The following FOXP1 variants were observed in gnomAD, a reference collection of about 807,000 sequenced individuals.
FOXP1 encodes forkhead box P1.
A neutral mutation model predicts 98.2 loss-of-function variants in FOXP1; 15 were observed. That is an observed-to-expected ratio of 0.15 (90% CI 0.10 to 0.24). The LOEUF is 0.24. Ranked by LOEUF, FOXP1 falls within the 10% of genes least tolerant of loss-of-function variation. The probability of loss-of-function intolerance (pLI) is 1.00; values close to 1 mark genes in which losing one functional copy is unlikely to be tolerated. For synonymous variants in FOXP1, 371 were observed against 314.5 expected (o/e 1.18, Z -1.90); for missense variants, 633 against 848.5 (o/e 0.75, Z 3.15).
intron 2 of FOXP1, among the ~76,000 whole-genome samples, chr3:71,556,580 A>C (rs1186617238): frequency 6.8e-6 from 1 of 147,770 alleles, no homozygotes; most frequent in African/African-American, 2.6e-5. Flanking sequence ...CCGTCTCAAA[A>C]AAAAAAAAAA....
chr3:71,538,983 A>C (rs974805110), intron 2 of FOXP1, among the ~76,000 whole-genome samples: 1 of 152,006 alleles, frequency 6.6e-6, no homozygotes, highest in African/African-American at 2.4e-5. Context: ...GCTGACCATA[A>C]ATGTAAGGGT....
intron 5 of FOXP1, among the ~76,000 whole-genome samples, chr3:71,242,117 A>T (rs1391844477): frequency 6.6e-6 from 1 of 152,206 alleles, no homozygotes; most frequent in African/African-American, 2.4e-5. Context: ...ACCTGCTTCT[A>T]CTTGCAGCAA....
chr3:71,558,622 G>A (rs759147866), intron 2 of FOXP1, among the ~76,000 whole-genome samples: 3 of 151,592 alleles, frequency 2.0e-5, no homozygotes, highest in Admixed American at 6.6e-5. Context: ...AGCCTCACAA[G>A]TAGCTGGGAC....
intron 6 of FOXP1, among the ~76,000 whole-genome samples, chr3:71,158,853 C>G (rs936599772): frequency 6.6e-6 from 1 of 151,848 alleles, no homozygotes; most frequent in African/African-American, 2.4e-5. Flanking sequence ...TGCCTGTAAT[C>G]CCAGCACTTT....
chr3:71,513,760 G>T (rs2042367300), intron 2 of FOXP1, among the ~76,000 whole-genome samples: 1 of 152,142 alleles, frequency 6.6e-6, no homozygotes, highest in African/African-American at 2.4e-5. Flanking sequence ...ATGGCTCCAA[G>T]AATGTAATTC....
chr3:70,989,585 AT>A (rs78190758), intron 13 of FOXP1, among the ~76,000 whole-genome samples: 14,453 of 152,002 alleles, frequency 0.095, 1,361 homozygotes, highest in East Asian at 0.49. Flanking sequence ...CATTATTATT[AT>A]TTTTTTTAAA....
intron 7 of FOXP1, among the ~76,000 whole-genome samples, chr3:71,093,601 G>C (rs1310863858): frequency 6.6e-6 from 1 of 150,404 alleles, no homozygotes. Flanking sequence ...TGTGATATAA[G>C]GACTAAGAAA....
chr3:71,208,162 C>T (rs571153035), intron 5 of FOXP1, among the ~76,000 whole-genome samples: 2 of 152,282 alleles, frequency 1.3e-5, no homozygotes, highest in South Asian at 2.1e-4. Flanking sequence ...CAGGACAACA[C>T]GCAAGATAGA....
chr3:71,085,334 G>C (rs1319225938), intron 7 of FOXP1, among the ~76,000 whole-genome samples: 1 of 151,966 alleles, frequency 6.6e-6, no homozygotes, highest in Non-Finnish European at 1.5e-5. Flanking sequence ...TTTTTTTGTA[G>C]AGATAGGGTC....
chr3:71,546,847 G>A (rs747427331), intron 2 of FOXP1, among the ~76,000 whole-genome samples: 42 of 152,210 alleles, frequency 2.8e-4, no homozygotes, highest in Non-Finnish European at 4.3e-4. Flanking sequence ...GGAGGCAAGC[G>A]CTGGCTTGTT....
intron 2 of FOXP1, among the ~76,000 whole-genome samples, chr3:71,523,296 A>G (rs1257518310): frequency 6.6e-6 from 1 of 152,228 alleles, no homozygotes; most frequent in Non-Finnish European, 1.5e-5. Flanking sequence ...TCTTGGCTCT[A>G]GAAGCAAAAG....
intron 4 of FOXP1, among the ~76,000 whole-genome samples, chr3:71,320,475 A>C (rs2075324862): frequency 6.6e-6 from 1 of 151,830 alleles, no homozygotes; most frequent in Non-Finnish European, 1.5e-5. Context: ...TCTTTCACCT[A>C]AGAAATCCCA....
At chr3:71,476,296 G>C (rs919946961) in intron 3 of FOXP1, among the ~76,000 whole-genome samples, 1 of 151,278 alleles carries the variant, frequency 6.6e-6, no homozygotes, top group Non-Finnish European at 1.5e-5. Context: ...AATTCATCAA[G>C]TTCTTTTTTT....
chr3:71,261,052 A>G (rs1360880921), intron 5 of FOXP1, among the ~76,000 whole-genome samples: 1 of 152,204 alleles, frequency 6.6e-6, no homozygotes, highest in African/African-American at 2.4e-5. Context: ...TATTAAGCTA[A>G]GCAGGAGTCC....
chr3:71,430,665 T>C (rs904693545), intron 3 of FOXP1, among the ~76,000 whole-genome samples: 1 of 152,216 alleles, frequency 6.6e-6, no homozygotes, highest in African/African-American at 2.4e-5. Context: ...GGGTCTTCTA[T>C]ACTTCAAGCT....
At chr3:71,496,723 C>T (rs1430729645) in intron 2 of FOXP1, among the ~76,000 whole-genome samples, 2 of 151,964 alleles carry the variant, frequency 1.3e-5, no homozygotes, top group African/African-American at 4.8e-5. Flanking sequence ...AGAAGAATCG[C>T]TTGATCCAGG....
chr3:71,432,603 G>T (rs1298332230), intron 3 of FOXP1, among the ~76,000 whole-genome samples: 1 of 152,084 alleles, frequency 6.6e-6, no homozygotes, highest in Non-Finnish European at 1.5e-5. Context: ...TGTCTCAGTT[G>T]TGGCTTCAAA....
At chr3:71,562,776 T>A (rs72963203) in intron 2 of FOXP1, among the ~76,000 whole-genome samples, 4,683 of 152,276 alleles carry the variant, frequency 0.031, 236 homozygotes, top group African/African-American at 0.11. Flanking sequence ...TAGAATAATT[T>A]GGTTTTTCTA....
chr3:71,200,301 T>C (rs2063589892), intron 5 of FOXP1, among the ~76,000 whole-genome samples: 1 of 152,170 alleles, frequency 6.6e-6, no homozygotes, highest in African/African-American at 2.4e-5. Flanking sequence ...AGGCAGGCCC[T>C]AATGCAGGTG....
Sources: gnomAD v4.1 joint callset for allele counts (sites outside exome capture counted in the v4.1 genomes callset) on GRCh38, gnomAD v4.1.1 for gene constraint, MANE v1.5 for transcripts, NCBI Gene and HGNC (gene_info 2026-07-23, HGNC 2026-07-21) for gene names.